The following NTF3 variants were observed in gnomAD, a reference collection of about 807,000 sequenced individuals.
NTF3 encodes the protein neurotrophin 3.
Under a neutral mutation model 26.3 loss-of-function variants are expected in NTF3, and 8 were observed. The observed-to-expected ratio is 0.30, with a 90% CI of 0.18 to 0.55. The LOEUF is 0.55. NTF3 is among the 20% of genes least tolerant of loss of function. The probability of loss-of-function intolerance (pLI) is 0.93; values close to 1 mark genes in which losing one functional copy is unlikely to be tolerated. For synonymous variants in NTF3, 154 were observed against 145.5 expected (o/e 1.06, Z -0.42); for missense variants, 276 against 352.9 (o/e 0.78, Z 1.75).
At chr12:5,459,111 G>C (rs1006664883) in intron 1 of NTF3, among the ~76,000 whole-genome samples, 1 of 152,130 alleles carries the variant, frequency 6.6e-6, no homozygotes, top group African/African-American at 2.4e-5. Context: ...TTCCCCTGGT[G>C]AGCACTGCAG....
chr12:5,436,186 T>A (rs1338719977), intron 1 of NTF3, among the ~76,000 whole-genome samples: 1 of 152,138 alleles, frequency 6.6e-6, no homozygotes, highest in East Asian at 1.9e-4. Flanking sequence ...ACGATGGGGA[T>A]CCCCATTTGA....
intron 1 of NTF3, among the ~76,000 whole-genome samples, chr12:5,436,581 T>C (rs1940171218): frequency 6.6e-6 from 1 of 152,330 alleles, no homozygotes; most frequent in South Asian, 2.1e-4. Flanking sequence ...CAAAACTTGA[T>C]GTGTTTAGTT....
chr12:5,481,375 C>T (rs1040273682), intron 1 of NTF3, among the ~76,000 whole-genome samples: 3 of 99,456 alleles, frequency 3.0e-5, no homozygotes, highest in African/African-American at 1.1e-4. Flanking sequence ...CACACGCAGA[C>T]ACACACACCA....
At chr12:5,467,354 T>C (rs1209834193) in intron 1 of NTF3, among the ~76,000 whole-genome samples, 2 of 151,706 alleles carry the variant, frequency 1.3e-5, no homozygotes, top group African/African-American at 2.4e-5. Flanking sequence ...TCTTCTTCTG[T>C]CCTGCCCACA....
chr12:5,456,369 G>A lies in NTF3; in HGVS notation c.18+24027G>A, dbSNP rs1047448739. The stretch of plus-strand genomic sequence containing the variant: ...AGCCTCCTTTTGTGATTTTTGCAGC[G>A]GCCTTTAGCTTCCTTTACTCACCCC... On this transcript the variant is annotated intron_variant, in intron 1 of 1. Transcript: ENST00000423158. The surrounding 1 kb of genome is among the most constrained non-coding windows in gnomAD (Gnocchi z 4.4). Among the ~76,000 whole-genome samples, 4 of 152,072 alleles carry A rather than the reference G, an allele frequency of 2.6e-5. No homozygotes were observed. Among genetic ancestry groups the A allele is most frequent in the African/African-American group, 7.2e-5 (3 of 41,392 alleles).
At chr12:5,454,210 T>TAGCCTCTGGC (rs1397017516) in intron 1 of NTF3, among the ~76,000 whole-genome samples, 1 of 152,228 alleles carries the variant, frequency 6.6e-6, no homozygotes, top group African/African-American at 2.4e-5. Flanking sequence ...TAGCCTCTGG[T>TAGCCTCTGGC]AGCCTCTGGC....
rs540646249 is a variant in NTF3 at position 5,454,172 on chromosome 12, A to G, written c.18+21830A>G. Among the ~76,000 whole-genome samples the G allele has an allele frequency of 2.0e-5, 3 of 152,336 alleles. 1 individual carries two copies. In the South Asian group the frequency reaches 6.2e-4, roughly 32 times the overall value. ...AGGGCCGTGTTTCATCTGAAGGCCCAGGGAAGCAGCTGCCCCACGCCTTCT... is the reference window on the plus strand; with the variant it reads ...AGGGCCGTGTTTCATCTGAAGGCCCGGGGAAGCAGCTGCCCCACGCCTTCT... On this transcript the variant is annotated intron_variant, in intron 1 of 1. Transcript: ENST00000423158.
intron 1 of NTF3, among the ~76,000 whole-genome samples, chr12:5,455,977 C>G (rs950388069): frequency 2.6e-5 from 4 of 152,124 alleles, no homozygotes; most frequent in African/African-American, 9.7e-5. Flanking sequence ...GCCCAGATAA[C>G]CCTCACAGCT....
At chr12:5,461,191 A>C (rs964893657) in intron 1 of NTF3, among the ~76,000 whole-genome samples, 3 of 152,200 alleles carry the variant, frequency 2.0e-5, no homozygotes, top group Admixed American at 6.5e-5. Flanking sequence ...GATTTGCCCA[A>C]AGAGCATTTC....
At chr12:5,483,231 C>T (rs1940829216) in intron 1 of NTF3, among the ~76,000 whole-genome samples, 1 of 152,094 alleles carries the variant, frequency 6.6e-6, no homozygotes, top group African/African-American at 2.4e-5. Context: ...CTGGCACTCA[C>T]TCACCCACTT....
chr12:5,471,430 A>C (rs75041645), intron 1 of NTF3, among the ~76,000 whole-genome samples: 2 of 152,302 alleles, frequency 1.3e-5, no homozygotes, highest in East Asian at 3.9e-4. Flanking sequence ...CCAAGAATAC[A>C]TCAAACAAAG....
intron 1 of NTF3, among the ~76,000 whole-genome samples, chr12:5,461,052 G>C (rs1262030947): frequency 1.3e-5 from 2 of 152,218 alleles, no homozygotes; most frequent in Non-Finnish European, 2.9e-5. Flanking sequence ...TTTGGGTGGA[G>C]TGTGCAGAGT....
At chr12:5,461,273 G>A (rs949987625) in intron 1 of NTF3, among the ~76,000 whole-genome samples, 10 of 152,116 alleles carry the variant, frequency 6.6e-5, no homozygotes, top group Admixed American at 1.3e-4. Context: ...GAGTTTAATC[G>A]CTTTAAAGGA....
At chr12:5,488,789 A>G (rs1286234376) in intron 1 of NTF3, among the ~76,000 whole-genome samples, 2 of 152,234 alleles carry the variant, frequency 1.3e-5, no homozygotes, top group Non-Finnish European at 2.9e-5. Context: ...TCATAGCCGA[A>G]GAAATTCTCC....
At chr12:5,455,533 A>AACACACACACACACACACAC (rs60429736) in intron 1 of NTF3, among the ~76,000 whole-genome samples, 7 of 103,808 alleles carry the variant, frequency 6.7e-5, no homozygotes, top group Admixed American at 2.1e-4. Flanking sequence ...ACCCCTCCCC[A>AACACACACACACACACACAC]ACACACACAC....
chr12:5,432,055 G>C (rs1231073949), upstream of NTF3: 2 of 373,058 alleles, frequency 5.4e-6, no homozygotes, highest in South Asian at 2.9e-5. Context: ...CGCTGAGCGC[G>C]GAGCCATCTG....
At chr12:5,438,715 GA>G (rs1469711544) in intron 1 of NTF3, among the ~76,000 whole-genome samples, 8 of 152,350 alleles carry the variant, frequency 5.3e-5, no homozygotes, top group African/African-American at 1.9e-4. Context: ...GCCTGACTTA[GA>G]AGTGAAGGAC....
chr12:5,459,394 C>G (rs1188310209), intron 1 of NTF3, among the ~76,000 whole-genome samples: 1 of 152,218 alleles, frequency 6.6e-6, no homozygotes, highest in Non-Finnish European at 1.5e-5. Flanking sequence ...GTTAAAGACA[C>G]ATCTGTCCTT....
intron 1 of NTF3, among the ~76,000 whole-genome samples, chr12:5,481,904 G>A (rs888608278): frequency 1.1e-4 from 17 of 149,792 alleles, no homozygotes; most frequent in African/African-American, 4.2e-4. Flanking sequence ...ACAACACACA[G>A]ACACACCCAC....
Sources: allele counts gnomAD v4.1 joint callset (sites outside exome capture counted in the v4.1 genomes callset), GRCh38; gene constraint gnomAD v4.1.1; non-coding constraint Gnocchi (gnomAD v3.1); transcripts MANE v1.5; gene names NCBI Gene and HGNC (gene_info 2026-07-23, HGNC 2026-07-21).